The following CCDC180 variants were observed in gnomAD, a reference collection of about 807,000 sequenced individuals.
CCDC180 encodes coiled-coil domain containing 180.
Under a neutral mutation model 209.2 loss-of-function variants are expected in CCDC180, and 154 were observed. The ratio of observed to expected loss-of-function variants is 0.74; its 90% CI spans 0.65 to 0.84. The LOEUF (loss-of-function observed/expected upper bound fraction) is 0.84. CCDC180 is among the 40% of genes least tolerant of loss of function. The pLI, the probability that CCDC180 is intolerant of heterozygous loss-of-function variation, is 0.00. For synonymous variants in CCDC180, 778 were observed against 749.1 expected, an observed-to-expected ratio of 1.04 and a Z score of -0.63; for missense variants, 1,874 against 1,997.3, an observed-to-expected ratio of 0.94 and a Z score of 1.18.
Position 97,325,017 on chromosome 9 carries a change from A to G in CCDC180, c.1372-2A>G, listed in dbSNP as rs769075719. ...TCCCTTCTCTGGGCTCTGCCACTGC[A>G]GAAATCCTTCGAGACTCTGGCAGAT... is the stretch of plus-strand genomic sequence containing the variant. On this transcript the variant is annotated splice_acceptor_variant, in intron 13 of 36. Transcript: ENST00000529487. LOFTEE classifies it high-confidence loss of function. 6.2e-7 allele frequency: 1 copy of G among 1,613,146 alleles called. No homozygotes were observed. Among genetic ancestry groups the G allele is most frequent in the Non-Finnish European group, 8.5e-7 (1 of 1,179,568 alleles).
chr9:97,311,542 C>T (rs1832987339), intron 3 of CCDC180, among the ~76,000 whole-genome samples: 1 of 152,212 alleles, frequency 6.6e-6, no homozygotes, highest in Admixed American at 6.5e-5. Flanking sequence ...TGCTGGTCCT[C>T]CCTGTTGAAA....
intron 31 of CCDC180, chr9:97,369,299 A>G (rs1007889513): frequency 2.0e-5 from 3 of 152,276 alleles, no homozygotes; most frequent in African/African-American, 4.8e-5. Context: ...AATCAAGGCA[A>G]TAGTTGAAAT....
chr9:97,353,151 G>A (rs1826472977), intron 22 of CCDC180, among the ~76,000 whole-genome samples: 2 of 151,944 alleles, frequency 1.3e-5, no homozygotes, highest in South Asian at 4.2e-4. Context: ...CATGTGCCAC[G>A]ATGCCCAGCT....
chr9:97,346,480 C>T (rs1325255666), intron 19 of CCDC180, among the ~76,000 whole-genome samples: 1 of 152,210 alleles, frequency 6.6e-6, no homozygotes, highest in East Asian at 1.9e-4. Context: ...TTGCAACTCA[C>T]ATCAAAGTCA....
chr9:97,375,317 G>GT lies in CCDC180; in HGVS notation c.4707-131dup. On this transcript the variant is annotated intron_variant, in intron 35 of 36. Coordinates refer to ENST00000529487, the MANE Select transcript of CCDC180 (RefSeq NM_020893.6). ...CAAGTGCAGCATTCACATTCAGTAT[G>GT]TTTTTTCTTTTCATTAAGATATTTA... 5 of 1,177,868 alleles carry GT rather than the reference G, an allele frequency of 4.2e-6. No homozygotes were observed. In the South Asian group the frequency reaches 7.4e-5, roughly 18 times the overall value. 73.0% of individuals were successfully genotyped at this position (1,177,868 alleles called of 1,614,324 possible). A position where few individuals can be genotyped will look rare whatever the true frequency, so the allele number is the denominator to read the frequency against.
At chr9:97,357,827 C>A in intron 25 of CCDC180, 102 bp downstream of exon 25, 1 of 963,850 alleles carries the variant, frequency 1.0e-6, no homozygotes, top group Non-Finnish European at 1.6e-6. Context: ...TTCTCCAGCA[C>A]AAGGTTGGCG....
rs1826530538 is a variant in CCDC180, at chr9:97,354,897, T to C, written c.3153T>C (p.Asn1051=). ...KLENEYLDQA[N]DVINKFESKF... The stretch of plus-strand genomic sequence containing the variant: ...CCCTTTATCTCTCTGTACAGGCCAA[T>C]GATGTCATCAACAAGTTTGAAAGCA... The change falls in exon 24 of 37, where the codon AAT becomes AAC. Residue 1051 remains asparagine, a synonymous_variant. Coordinates refer to ENST00000529487, the MANE Select transcript of CCDC180 (RefSeq NM_020893.6). The C allele has an allele frequency of 1.2e-6, 2 of 1,611,334 alleles. No homozygotes were observed. The highest frequency in any genetic ancestry group is 1.3e-5 in the African/African-American group (1 of 74,882).
Position 97,347,429 on chromosome 9 carries a change from C to T in CCDC180, c.2614C>T (p.Leu872=), listed in dbSNP as rs1826292547. The T allele has an allele frequency of 3.3e-6, 5 of 1,536,174 alleles. No homozygotes were observed. The highest frequency in any genetic ancestry group is 4.4e-6 in the Non-Finnish European group (5 of 1,146,928). The part of the protein sequence containing the change: ...NELDSELELH[L]HLHQPRAQQI... ...GCTGGATTCAGAACTGGAGCTGCATCTGCACCTGCACCAGCCAAGAGCCCA... is the reference window on the plus strand; with the variant it reads ...GCTGGATTCAGAACTGGAGCTGCATTTGCACCTGCACCAGCCAAGAGCCCA... The change falls in exon 20 of 37, where the codon CTG becomes TTG. Residue 872 remains leucine (L), a synonymous_variant. Coordinates refer to ENST00000529487, the MANE Select transcript of CCDC180 (RefSeq NM_020893.6).
At position 97,366,732 on chromosome 9, in the gene CCDC180, C is replaced by T; in HGVS notation, c.4189+32C>T. On this transcript the variant is annotated intron_variant, in intron 31 of 36. Coordinates refer to ENST00000529487, the MANE Select transcript of CCDC180 (RefSeq NM_020893.6). This position sits in a 1 kb window ranked among gnomAD's most constrained non-coding sequence, Gnocchi z 4.3. The stretch of plus-strand genomic sequence containing the variant: ...ATAGGCAGCAGGAAGGCACGGGGAA[C>T]AGGGCGGGGCGCGAAGCCAGTGGTG... 3 of 1,609,486 alleles carry T rather than the reference C, an allele frequency of 1.9e-6. No homozygotes were observed. Among genetic ancestry groups the T allele is most frequent in the Non-Finnish European group, 2.5e-6 (3 of 1,177,600 alleles).
chr9:97,349,156 G>C lies in CCDC180; in HGVS notation c.2720G>C (p.Gly907Ala). ...HQEQLDSHCA[G>A]VTETLKKKRL... ...GAGCAGTTGGACAGCCACTGTGCTG[G>C]GGTGACCGAGACGCTGAAGAAGAAG... The change falls in exon 21 of 37, where the codon GGG becomes GCG. Residue 907 changes from glycine (G) to alanine (A), a missense_variant. Physicochemically the swap from Gly to Ala is moderately conservative, Grantham distance 60 (BLOSUM62 0). Coordinates refer to ENST00000529487, the MANE Select transcript of CCDC180 (RefSeq NM_020893.6). 1 of 1,536,246 alleles carries C rather than the reference G, an allele frequency of 6.5e-7. No homozygotes were observed. Among genetic ancestry groups the C allele is most frequent in the East Asian group, 2.4e-5 (1 of 40,918 alleles).
chr9:97,376,721 T>G, intron 36 of CCDC180, 42 bp from the exon 37 acceptor site: 1 of 1,599,268 alleles, frequency 6.3e-7, no homozygotes. Context: ...AGGGTCCAGA[T>G]GTCTCTCCTC....
In CCDC180 at chr9:97,330,512, G is replaced by GA. The variant is rs757001908; in HGVS notation, c.2025dup (p.Ser676IlefsTer6). 2 of 1,614,018 alleles carry GA rather than the reference G, an allele frequency of 1.2e-6. No homozygotes were observed. Among genetic ancestry groups the GA allele is most frequent in the African/African-American group, 1.3e-5 (1 of 74,912 alleles). Reference sequence around the variant, plus strand: ...TAACTGAAGAGGTGCTGGGGCAGCAGAAAAAATCTCCACTGCATGCTAAGA... The same window carrying GA: ...TAACTGAAGAGGTGCTGGGGCAGCAGAAAAAAATCTCCACTGCATGCTAAGA... On this transcript the variant is annotated frameshift_variant, in exon 18 of 37. Coordinates refer to ENST00000529487, the MANE Select transcript of CCDC180 (RefSeq NM_020893.6). LOFTEE classifies it high-confidence loss of function.
At chr9:97,370,937 T>C (rs891860559) in intron 33 of CCDC180, 159 bp downstream of exon 33, 10 of 523,188 alleles carry the variant, frequency 1.9e-5, no homozygotes, top group Non-Finnish European at 2.9e-5. Flanking sequence ...TATTGGCTGT[T>C]TTAACTTGTA....
rs7864805 is a variant in CCDC180, at chr9:97,313,239, C to A, written c.353C>A (p.Pro118His). 11,741 of 1,608,784 alleles carry A rather than the reference C, an allele frequency of 7.3e-3. 669 individuals are homozygous for A. The African/African-American group carries it at 0.13, about 18-fold the overall frequency. Residue 118 changes from proline (P) to histidine (H), a missense_variant, in exon 5 of 37, where the codon CCT (proline) becomes CAT (histidine). Coordinates refer to ENST00000529487, the MANE Select transcript of CCDC180 (RefSeq NM_020893.6). ...EVRGLMDTIVPEKISTSTFQR... is the reference protein window; with the variant it reads ...EVRGLMDTIVHEKISTSTFQR... Reference sequence around the variant, plus strand: ...CACCTCTGTTGTTGCTCCGCAGTTCCTGAGAAGATAAGCACCAGCACCTTT... The same window carrying A: ...CACCTCTGTTGTTGCTCCGCAGTTCATGAGAAGATAAGCACCAGCACCTTT...
chr9:97,309,208 G>A (rs532905026), intron 2 of CCDC180, among the ~76,000 whole-genome samples: 65 of 152,308 alleles, frequency 4.3e-4, no homozygotes, highest in Non-Finnish European at 7.8e-4. Context: ...TTCTTAGAAA[G>A]AGGCCTTCTT....
chr9:97,334,110 T>G (rs1825831789), intron 18 of CCDC180, among the ~76,000 whole-genome samples: 1 of 152,220 alleles, frequency 6.6e-6, no homozygotes, highest in African/African-American at 2.4e-5. Context: ...TTATTCTGTT[T>G]CCCAGTAAAA....
chr9:97,378,527 C>CT lies in CCDC180; in HGVS notation c.*1638dup, dbSNP rs1294211062. On this transcript the variant is annotated 3_prime_UTR_variant, in exon 37 of 37. Transcript: ENST00000529487. ...GCTGCTTTCTAATATTTTCTCCCTG[C>CT]TTTTTAAATCCTAGCCCAGTCCACT... The CT allele has an allele frequency of 6.6e-6, 1 of 150,664 alleles. No homozygotes were observed. Among genetic ancestry groups the CT allele is most frequent in the Non-Finnish European group, 1.5e-5 (1 of 67,716 alleles). The allele number at this position is 150,664 out of a possible 1,614,324, so 9.3% of individuals were successfully genotyped here. A position where few individuals can be genotyped will look rare whatever the true frequency, so the allele number is the denominator to read the frequency against.
chr9:97,347,889 C>T (rs936757840), intron 20 of CCDC180, among the ~76,000 whole-genome samples: 1 of 152,114 alleles, frequency 6.6e-6, no homozygotes, highest in East Asian at 1.9e-4. Context: ...CCGTGTGACC[C>T]TATACAGCTT....
intron 26 of CCDC180, 150 bp downstream of exon 26, chr9:97,360,251 A>C: frequency 1.5e-5 from 15 of 995,038 alleles, no homozygotes; most frequent in Non-Finnish European, 2.1e-5. Flanking sequence ...TGGAAAGATC[A>C]CAAGCTGTGA....
Sources: allele counts gnomAD v4.1 joint callset (sites outside exome capture counted in the v4.1 genomes callset), GRCh38; gene constraint gnomAD v4.1.1; non-coding constraint Gnocchi (gnomAD v3.1); transcripts MANE v1.5; gene names NCBI Gene and HGNC (gene_info 2026-07-23, HGNC 2026-07-21).